CUX2: variants seen among roughly 807,000 people sequenced by gnomAD.
CUX2 encodes the protein homeobox protein cut-like 2.
Under a neutral mutation model 144.8 loss-of-function variants are expected in CUX2, and 40 were observed. The observed-to-expected ratio is 0.28, with a 90% CI of 0.21 to 0.36. CUX2 has a LOEUF of 0.36. Ranked by LOEUF, CUX2 falls within the 10% of genes least tolerant of loss-of-function variation. The probability of loss-of-function intolerance (pLI) is 1.00; values close to 1 mark genes in which losing one functional copy is unlikely to be tolerated. For missense variants in CUX2, 1,615 were observed against 1,994.0 expected (o/e 0.81, Z 3.62); for synonymous variants, 827 against 875.6 (o/e 0.94, Z 0.98).
At chr12:111,082,321 G>T (rs1225651915) in intron 1 of CUX2, among the ~76,000 whole-genome samples, 5 of 152,172 alleles carry the variant, frequency 3.3e-5, no homozygotes, top group Admixed American at 2.0e-4. Context: ...GAAGGAATAT[G>T]ATATTTGTAA....
Position 111,312,316 on chromosome 12 carries a change from ACCAGAGG to A in CUX2, c.2002+123_2002+129del. 1.1e-6 allele frequency: 1 copy of A among 889,146 alleles called. No homozygotes were observed. 55.1% of individuals were successfully genotyped at this position (889,146 alleles called of 1,614,324 possible). ...AGGGAATCCAAGGTGGATCAGAACC[ACCAGAGG>A]CCAGAGGGACCTGTCTAGAGCGCAT... On this transcript the variant is annotated intron_variant, in intron 16 of 21. Coordinates refer to ENST00000261726, the MANE Select transcript of CUX2 (RefSeq NM_015267.4). The surrounding 1 kb of genome is among the most constrained non-coding windows in gnomAD (Gnocchi z 4.3).
chr12:111,244,064 T>C (rs1164868468), intron 3 of CUX2, among the ~76,000 whole-genome samples: 1 of 152,188 alleles, frequency 6.6e-6, no homozygotes, highest in Admixed American at 6.5e-5. Flanking sequence ...TGGTTGGTTT[T>C]GACTGGTCTG....
At chr12:111,286,134 C>T (rs1885366408) in intron 4 of CUX2, among the ~76,000 whole-genome samples, 1 of 152,214 alleles carries the variant, frequency 6.6e-6, no homozygotes, top group Admixed American at 6.5e-5. Flanking sequence ...TACCCTGTCC[C>T]GAGTTCCACA....
rs962631946 is a variant in CUX2, at chr12:111,260,820, C to G, written c.223-2941C>G. On this transcript the variant is annotated intron_variant, in intron 3 of 21. Transcript: ENST00000261726. ...ACTTGTCCCCACCCTTGCTCAGTCT[C>G]TCATTGGAGGCCAGTGCCTTTCCTC... Among the ~76,000 whole-genome samples the G allele has an allele frequency of 3.9e-5, 6 of 152,212 alleles. No homozygotes were observed. The East Asian group carries it at 9.6e-4, about 24-fold the overall frequency.
chr12:111,066,865 A>G lies in CUX2; in HGVS notation c.63+32625A>G, dbSNP rs114188569. Among the ~76,000 whole-genome samples the G allele has an allele frequency of 9.2e-3, 1,397 of 152,270 alleles. 24 individuals carry two copies. The highest frequency in any genetic ancestry group is 0.031 in the African/African-American group (1,302 of 41,536). ...CTGAGCATCAGCTTCTCCAACTGCA[A>G]GGTGGGATGACAGAGGGTTGCTGTT... On this transcript the variant is annotated intron_variant, in intron 1 of 21. Coordinates refer to ENST00000261726, the MANE Select transcript of CUX2 (RefSeq NM_015267.4).
At chr12:111,038,103 A>G (rs1869549298) in intron 1 of CUX2, among the ~76,000 whole-genome samples, 1 of 152,232 alleles carries the variant, frequency 6.6e-6, no homozygotes, top group Admixed American at 6.5e-5. Flanking sequence ...GCAGGAGAGC[A>G]AGATGGTGCT....
chr12:111,056,933 C>T (rs1268701740), intron 1 of CUX2, among the ~76,000 whole-genome samples: 1 of 151,976 alleles, frequency 6.6e-6, no homozygotes, highest in African/African-American at 2.4e-5. Context: ...GTTGGTGTGA[C>T]AGGAAGTAGC....
chr12:111,069,247 C>G (rs1871151625), intron 1 of CUX2, among the ~76,000 whole-genome samples: 3 of 152,162 alleles, frequency 2.0e-5, no homozygotes, highest in Non-Finnish European at 4.4e-5. Context: ...AGCACGGAGC[C>G]CAATACATAG....
intron 4 of CUX2, among the ~76,000 whole-genome samples, chr12:111,267,065 G>A (rs1470193541): frequency 2.6e-5 from 4 of 152,062 alleles, no homozygotes; most frequent in African/African-American, 4.8e-5. Flanking sequence ...GGGCATGGTC[G>A]TGGGCGCCTG....
At chr12:111,228,081 A>C (rs1882255913) in intron 3 of CUX2, among the ~76,000 whole-genome samples, 1 of 152,156 alleles carries the variant, frequency 6.6e-6, no homozygotes, top group Admixed American at 6.5e-5. Context: ...CTGGAGCCCC[A>C]CTATATGCAG....
At position 111,061,215 on chromosome 12, in the gene CUX2, CAG is replaced by C. The variant is rs2049560444; in HGVS notation, c.63+26976_63+26977del. Among the ~76,000 whole-genome samples, 1 of 150,566 alleles carries C rather than the reference CAG, an allele frequency of 6.6e-6. No individual in the cohort carries two copies. The highest frequency in any genetic ancestry group is 2.5e-5 in the African/African-American group (1 of 40,298). On this transcript the variant is annotated intron_variant, in intron 1 of 21. Transcript: ENST00000261726. This position sits in a 1 kb window ranked among gnomAD's most constrained non-coding sequence, Gnocchi z 4.2. ...ACACACACACACACACACACACACA[CAG>C]CAAGGAGGATGCCTGGCTTTCTGAG...
chr12:111,042,578 A>G (rs967816771), intron 1 of CUX2, among the ~76,000 whole-genome samples: 4 of 152,174 alleles, frequency 2.6e-5, no homozygotes, highest in African/African-American at 9.7e-5. Context: ...CTTTTCTCAT[A>G]TATAAAATGG....
chr12:111,149,513 C>T (rs544049825), intron 1 of CUX2, among the ~76,000 whole-genome samples: 1 of 152,138 alleles, frequency 6.6e-6, no homozygotes, highest in African/African-American at 2.4e-5. Context: ...CACCGCCCCC[C>T]ACAATCCCAA....
chr12:111,041,142 T>C (rs1869722974), intron 1 of CUX2, among the ~76,000 whole-genome samples: 1 of 152,132 alleles, frequency 6.6e-6, no homozygotes, highest in Non-Finnish European at 1.5e-5. Context: ...CTTGGATGAG[T>C]CACTTAACCT....
chr12:111,086,397 T>G (rs1872219972), intron 1 of CUX2, among the ~76,000 whole-genome samples: 1 of 152,228 alleles, frequency 6.6e-6, no homozygotes, highest in Non-Finnish European at 1.5e-5. Flanking sequence ...TGATTATTTC[T>G]TTTTCTAATG....
At chr12:111,048,653 C>T (rs1404185429) in intron 1 of CUX2, among the ~76,000 whole-genome samples, 1 of 152,026 alleles carries the variant, frequency 6.6e-6, no homozygotes, top group Non-Finnish European at 1.5e-5. Flanking sequence ...GGCATTATTA[C>T]CAGTGTGTTT....
Position 111,307,128 on chromosome 12 carries a change from G to A in CUX2, c.1050+16G>A, listed in dbSNP as rs768564917. 2 of 1,613,642 alleles carry A rather than the reference G, an allele frequency of 1.2e-6. No individual in the cohort carries two copies. The highest frequency in any genetic ancestry group is 2.2e-5 in the South Asian group (2 of 91,042). On this transcript the variant is annotated intron_variant, in intron 11 of 21. Coordinates refer to ENST00000261726, the MANE Select transcript of CUX2 (RefSeq NM_015267.4). The surrounding 1 kb of genome is among the most constrained non-coding windows in gnomAD (Gnocchi z 4.1). The stretch of plus-strand genomic sequence containing the variant: ...GGCCATAGAAGTGGGTCCTGGGGAG[G>A]AGGCAGGCGGGCAGGCGGCCCCATG...
chr12:111,152,945 G>A (rs1877142156), intron 1 of CUX2, among the ~76,000 whole-genome samples: 1 of 152,240 alleles, frequency 6.6e-6, no homozygotes, highest in Non-Finnish European at 1.5e-5. Flanking sequence ...TGTGGCTTTG[G>A]GCTTGTAAAT....
At chr12:111,204,047 C>G (rs770716974) in intron 1 of CUX2, among the ~76,000 whole-genome samples, 7 of 152,214 alleles carry the variant, frequency 4.6e-5, no homozygotes, top group African/African-American at 9.6e-5. Flanking sequence ...CCTCCCATAG[C>G]CTGGAACCCC....
Sources: allele counts gnomAD v4.1 joint callset (sites outside exome capture counted in the v4.1 genomes callset), GRCh38; gene constraint gnomAD v4.1.1; non-coding constraint Gnocchi (gnomAD v3.1); transcripts MANE v1.5; gene names NCBI Gene and HGNC (gene_info 2026-07-23, HGNC 2026-07-21).